RHBDD1: variants seen among roughly 807,000 people sequenced by gnomAD.
RHBDD1 encodes rhomboid-related protein 4.
A neutral mutation model predicts 36.3 loss-of-function variants in RHBDD1; 38 were observed. That is an observed-to-expected ratio of 1.05 (90% CI 0.81 to 1.37). RHBDD1 has a LOEUF of 1.37. Ranked by LOEUF, RHBDD1 falls within the 40% of genes most tolerant of loss-of-function variation. The pLI, the probability that RHBDD1 is intolerant of heterozygous loss-of-function variation, is 0.00. For missense variants in RHBDD1, 393 were observed against 377.6 expected (o/e 1.04, Z -0.34); for synonymous variants, 151 against 136.5 (o/e 1.11, Z -0.74).
intron 5 of RHBDD1, among the ~76,000 whole-genome samples, chr2:226,901,586 G>T (rs1019203391): frequency 1.3e-5 from 2 of 152,124 alleles, no homozygotes; most frequent in Non-Finnish European, 2.9e-5. Context: ...ACACATGTGA[G>T]GTGATATCTC....
chr2:226,900,701 G>A (rs1036603093), intron 5 of RHBDD1, among the ~76,000 whole-genome samples: 1 of 152,128 alleles, frequency 6.6e-6, no homozygotes, highest in Admixed American at 6.5e-5. Flanking sequence ...TGGTGACCAT[G>A]TGCAACTTGT....
chr2:226,853,948 G>A (rs372223125), intron 3 of RHBDD1, among the ~76,000 whole-genome samples: 87 of 151,950 alleles, frequency 5.7e-4, no homozygotes, highest in African/African-American at 2.0e-3. Context: ...CCGGTGGTGG[G>A]TAGACCCGCT....
At chr2:226,815,635 T>G in the RHBDD1 span, among the ~76,000 whole-genome samples, 1 of 152,184 alleles carries the variant, frequency 6.6e-6, no homozygotes, top group Non-Finnish European at 1.5e-5. Context: ...GAGGCAAAAG[T>G]AAAGATTAGA....
intron 8 of RHBDD1, among the ~76,000 whole-genome samples, chr2:226,972,722 TG>T (rs1384402500): frequency 6.6e-6 from 1 of 152,228 alleles, no homozygotes; most frequent in African/African-American, 2.4e-5. Context: ...CGGCACAGAC[TG>T]GTCTCTCGAG....
At chr2:226,980,137 G>T (rs997633294) in intron 8 of RHBDD1, among the ~76,000 whole-genome samples, 1 of 152,108 alleles carries the variant, frequency 6.6e-6, no homozygotes, top group East Asian at 1.9e-4. Context: ...TTTGACCCAG[G>T]TGCTCATATC....
intron 8 of RHBDD1, among the ~76,000 whole-genome samples, chr2:226,974,882 T>G (rs1238368408): frequency 6.6e-6 from 1 of 152,206 alleles, no homozygotes; most frequent in Non-Finnish European, 1.5e-5. Context: ...AGGGACATCC[T>G]GGAGATCTTG....
At chr2:226,964,656 G>T (rs540398726) in intron 8 of RHBDD1, among the ~76,000 whole-genome samples, 1 of 152,336 alleles carries the variant, frequency 6.6e-6, no homozygotes, top group African/African-American at 2.4e-5. Context: ...GATGCATCAT[G>T]TACAAACTGA....
intron 8 of RHBDD1, among the ~76,000 whole-genome samples, chr2:226,917,972 A>G (rs1949029943): frequency 1.3e-5 from 2 of 152,192 alleles, no homozygotes; most frequent in South Asian, 4.1e-4. Flanking sequence ...ATTGTGGAAG[A>G]TAGACCATTG....
At chr2:226,855,800 C>T (rs73083689) in intron 3 of RHBDD1, among the ~76,000 whole-genome samples, 5,658 of 152,170 alleles carry the variant, frequency 0.037, 359 homozygotes, top group African/African-American at 0.13. Context: ...GTCATAAAGA[C>T]GAGATTCCCA....
At chr2:226,801,573 A>G in the RHBDD1 span, among the ~76,000 whole-genome samples, 1 of 152,214 alleles carries the variant, frequency 6.6e-6, no homozygotes, top group African/African-American at 2.4e-5. Flanking sequence ...TGGTTAATCT[A>G]TAATTTGAGT....
At chr2:226,950,856 T>C (rs1951374071) in intron 8 of RHBDD1, among the ~76,000 whole-genome samples, 1 of 152,210 alleles carries the variant, frequency 6.6e-6, no homozygotes, top group Admixed American at 6.5e-5. Flanking sequence ...GAGTTTCTTA[T>C]GTTTTTTATA....
rs570269655 is a variant in RHBDD1 at position 226,854,765 on chromosome 2, TCA to T, written c.-90-9837_-90-9836del. On this transcript the variant is annotated intron_variant, in intron 3 of 8. Coordinates refer to ENST00000392062, the MANE Select transcript of RHBDD1 (RefSeq NM_001167608.3). The stretch of plus-strand genomic sequence containing the variant: ...AAAGATATTTTTTCCATAAAGAGTA[TCA>T]CTACCTGAGATACTATGCAGTGTTT... Among the ~76,000 whole-genome samples the T allele has an allele frequency of 2.1e-3, 315 of 152,268 alleles. 4 individuals carry two copies. Among genetic ancestry groups the T allele is most frequent in the African/African-American group, 7.3e-3 (302 of 41,532 alleles).
chr2:226,986,462 A>G (rs1477441273), intron 8 of RHBDD1, among the ~76,000 whole-genome samples: 2 of 152,218 alleles, frequency 1.3e-5, no homozygotes, highest in Non-Finnish European at 2.9e-5. Flanking sequence ...ATTCCAAAAT[A>G]AAAAGTTTAT....
chr2:226,972,050 G>A (rs1178959045), intron 8 of RHBDD1, among the ~76,000 whole-genome samples: 1 of 151,968 alleles, frequency 6.6e-6, no homozygotes. Context: ...CGTGCATTAG[G>A]TCTTTGTCCT....
At chr2:226,899,579 C>T (rs1174009734) in intron 5 of RHBDD1, among the ~76,000 whole-genome samples, 1 of 152,104 alleles carries the variant, frequency 6.6e-6, no homozygotes, top group African/African-American at 2.4e-5. Flanking sequence ...CAACTAGCTA[C>T]AGTGATTGTG....
At chr2:226,807,301 GT>G in the RHBDD1 span, among the ~76,000 whole-genome samples, 2 of 152,082 alleles carry the variant, frequency 1.3e-5, no homozygotes, top group Non-Finnish European at 2.9e-5. Flanking sequence ...TTTTGCATCA[GT>G]TTTGGATTGG....
At chr2:226,830,181 G>T in the RHBDD1 span, among the ~76,000 whole-genome samples, 1 of 152,200 alleles carries the variant, frequency 6.6e-6, no homozygotes, top group Non-Finnish European at 1.5e-5. Flanking sequence ...TTATTAGGAT[G>T]TGGAGCCTTT....
chr2:226,953,754 A>G (rs1411939581), intron 8 of RHBDD1, among the ~76,000 whole-genome samples: 1 of 152,214 alleles, frequency 6.6e-6, no homozygotes, highest in Non-Finnish European at 1.5e-5. Context: ...GAACAACTAC[A>G]GAGAGGTGGG....
At chr2:226,857,527 A>G (rs1407728903) in intron 3 of RHBDD1, among the ~76,000 whole-genome samples, 2 of 152,228 alleles carry the variant, frequency 1.3e-5, no homozygotes, top group African/African-American at 4.8e-5. Flanking sequence ...AGTGGAAACA[A>G]ATGTCCATCA....
Sources: gnomAD v4.1 joint callset for allele counts (sites outside exome capture counted in the v4.1 genomes callset) on GRCh38, gnomAD v4.1.1 for gene constraint, MANE v1.5 for transcripts, NCBI Gene and HGNC (gene_info 2026-07-23, HGNC 2026-07-21) for gene names.